ACOX3: variants seen among roughly 807,000 people sequenced by gnomAD.
ACOX3 encodes the protein peroxisomal acyl-coenzyme A oxidase 3.
ACOX3 carries 73 observed loss-of-function variants against 81.5 expected under a neutral mutation model. The observed-to-expected ratio is 0.90, with a 90% CI of 0.74 to 1.09. ACOX3 has a LOEUF of 1.09. Ranked by LOEUF, ACOX3 falls within the 50% of genes least tolerant of loss-of-function variation. ACOX3 has a pLI of 0.00. For missense variants in ACOX3, 947 were observed against 928.0 expected (o/e 1.02, Z -0.27); for synonymous variants, 387 against 375.1 (o/e 1.03, Z -0.37).
At chr4:8,391,001 A>ATGTATATGTATG (rs1158616253) in intron 11 of ACOX3, among the ~76,000 whole-genome samples, 6 of 144,860 alleles carry the variant, frequency 4.1e-5, no homozygotes, top group Non-Finnish European at 6.1e-5. Flanking sequence ...ATCCCAGCAT[A>ATGTATATGTATG]TGTATATGTA....
intron 9 of ACOX3, among the ~76,000 whole-genome samples, chr4:8,395,341 T>C (rs1246425049): frequency 1.6e-5 from 2 of 125,924 alleles, no homozygotes; most frequent in Non-Finnish European, 3.3e-5. Flanking sequence ...CGTAGATGGG[T>C]AGATGGATGG....
chr4:8,395,778 C>T lies in ACOX3; in HGVS notation c.1057-1036G>A, dbSNP rs548395662. Among the ~76,000 whole-genome samples the T allele has an allele frequency of 2.3e-4, 35 of 152,316 alleles. No homozygotes were observed. The South Asian group carries it at 6.6e-3, about 29-fold the overall frequency. ...CGGGAGGGGATGGGTGCCACACAGG[C>T]ATGAATGGCAACACTTACTAAACAG... On this transcript the variant is annotated intron_variant, in intron 9 of 17. Coordinates refer to ENST00000356406, the MANE Select transcript of ACOX3 (RefSeq NM_003501.3).
At chr4:8,367,360 G>C (rs1715588646) in intron 17 of ACOX3, among the ~76,000 whole-genome samples, 1 of 152,062 alleles carries the variant, frequency 6.6e-6, no homozygotes, top group African/African-American at 2.4e-5. Flanking sequence ...GTGCATGCCT[G>C]TAATCCCAGC....
chr4:8,380,266 T>G (rs1018376646), intron 14 of ACOX3, among the ~76,000 whole-genome samples: 1 of 150,586 alleles, frequency 6.6e-6, no homozygotes, highest in Non-Finnish European at 1.5e-5. Context: ...CTCGGCTCTC[T>G]GCAACCTCCA....
At chr4:8,397,757 C>T (rs186199060) in intron 8 of ACOX3, among the ~76,000 whole-genome samples, 5 of 152,362 alleles carry the variant, frequency 3.3e-5, no homozygotes, top group East Asian at 1.9e-4. Context: ...GCTGCCCCAT[C>T]GGGCCACTCC....
chr4:8,434,456 C>T (rs547899201), intron 1 of ACOX3, among the ~76,000 whole-genome samples: 2 of 152,380 alleles, frequency 1.3e-5, no homozygotes, highest in South Asian at 2.1e-4. Flanking sequence ...CTTATGCCTG[C>T]CCTGTAGAGC....
intron 17 of ACOX3, among the ~76,000 whole-genome samples, chr4:8,369,885 C>T (rs1316959576): frequency 6.6e-6 from 1 of 152,214 alleles, no homozygotes; most frequent in Non-Finnish European, 1.5e-5. Context: ...GCCAGGGGAC[C>T]TCAGGCATGG....
In ACOX3 at chr4:8,400,207, C is replaced by T. The variant is rs989862439; in HGVS notation, c.777-555G>A. On this transcript the variant is annotated intron_variant, in intron 7 of 17. Transcript: ENST00000356406. This position sits in a 1 kb window ranked among gnomAD's most constrained non-coding sequence, Gnocchi z 4.4. ...CGGAAGTTGCAGTGAGCCAAGATCA[C>T]GCCACTGCACTCCAGCCTTGGTGAC... 2.6e-5 allele frequency among the ~76,000 whole-genome samples: 4 copies of T among 151,820 alleles called. No homozygotes were observed. Among genetic ancestry groups the T allele is most frequent in the African/African-American group, 4.8e-5 (2 of 41,338 alleles).
At chr4:8,409,994 T>G (rs547930205) in intron 6 of ACOX3, among the ~76,000 whole-genome samples, 3 of 150,922 alleles carry the variant, frequency 2.0e-5, no homozygotes, top group African/African-American at 7.3e-5. Context: ...CGGGGCTATC[T>G]GCATTGTGGG....
intron 11 of ACOX3, among the ~76,000 whole-genome samples, chr4:8,390,126 C>G (rs1277504134): frequency 7.9e-6 from 1 of 126,658 alleles, no homozygotes; most frequent in African/African-American, 3.6e-5. Flanking sequence ...ACAAAAAAAG[C>G]CATGAGTTTG....
In ACOX3 at chr4:8,414,213, T is replaced by G; in HGVS notation, c.543+79A>C. ...CTCTTGCTTTAATGTTTTTTTTTTC[T>G]TATTCTGGGCAACGGCATTTGCACT... On this transcript the variant is annotated intron_variant, in intron 5 of 17. Coordinates refer to ENST00000356406, the MANE Select transcript of ACOX3 (RefSeq NM_003501.3). This position sits in a 1 kb window ranked among gnomAD's most constrained non-coding sequence, Gnocchi z 6.1. 3.3e-6 allele frequency: 4 copies of G among 1,228,856 alleles called. No individual in the cohort carries two copies. Among genetic ancestry groups the G allele is most frequent in the Non-Finnish European group, 4.7e-6 (4 of 843,888 alleles). 76.1% of individuals were successfully genotyped at this position (1,228,856 alleles called of 1,614,324 possible).
chr4:8,373,435 G>A, intron 16 of ACOX3, 126 bp downstream of exon 16: 1 of 948,162 alleles, frequency 1.1e-6, no homozygotes, highest in East Asian at 2.6e-5. Context: ...ACGCTAAGGG[G>A]GTGCGTGTCA....
At chr4:8,383,252 T>C (rs1446284813) in intron 13 of ACOX3, among the ~76,000 whole-genome samples, 4 of 152,220 alleles carry the variant, frequency 2.6e-5, no homozygotes, top group Non-Finnish European at 4.4e-5. Flanking sequence ...GCTTCCTCCA[T>C]GCAGGCATCT....
Position 8,399,425 on chromosome 4 carries a change from A to C in ACOX3, c.873+131T>G, listed in dbSNP as rs1327977972. ...GAGCACCAGAACCCGAGCCAGGAGA[A>C]GTATGCCCCAGCGACACCTGGCCTA... On this transcript the variant is annotated intron_variant, in intron 8 of 17. Coordinates refer to ENST00000356406, the MANE Select transcript of ACOX3 (RefSeq NM_003501.3). This position sits in a 1 kb window ranked among gnomAD's most constrained non-coding sequence, Gnocchi z 4.9. The C allele has an allele frequency of 1.4e-6, 1 of 736,362 alleles. No individual in the cohort carries two copies. The highest frequency in any genetic ancestry group is 2.7e-5 in the Admixed American group (1 of 36,864). 45.6% of individuals were successfully genotyped at this position (736,362 alleles called of 1,614,324 possible).
At chr4:8,359,352 G>T in the ACOX3 span, among the ~76,000 whole-genome samples, 1 of 152,124 alleles carries the variant, frequency 6.6e-6, no homozygotes. The surrounding 1 kb of genome is among the most constrained non-coding windows in gnomAD (Gnocchi z 6.0). Flanking sequence ...GACACAGTGG[G>T]TTAGAGGCCC....
chr4:8,365,290 A>G (rs979245640), downstream of ACOX3, among the ~76,000 whole-genome samples: 35 of 152,238 alleles, frequency 2.3e-4, no homozygotes, highest in African/African-American at 8.4e-4. Context: ...CAAGGGCCTG[A>G]GCACTCTCAT....
chr4:8,413,301 C>A (rs1406073130), intron 5 of ACOX3, among the ~76,000 whole-genome samples: 3 of 136,330 alleles, frequency 2.2e-5, no homozygotes, highest in Non-Finnish European at 4.7e-5. Flanking sequence ...CGTGTCCCGT[C>A]TCACTGCACC....
At position 8,405,711 on chromosome 4, in the gene ACOX3, T is replaced by C. The variant is rs1347242876; in HGVS notation, c.776+244A>G. ...CAGAGGTCTGGGTCTGATCTGAGAG[T>C]GTGGAGCCGCCTGCCAAGGTGAAGC... On this transcript the variant is annotated intron_variant, in intron 7 of 17. Coordinates refer to ENST00000356406, the MANE Select transcript of ACOX3 (RefSeq NM_003501.3). The surrounding 1 kb of genome is among the most constrained non-coding windows in gnomAD (Gnocchi z 7.1). 6.6e-6 allele frequency among the ~76,000 whole-genome samples: 1 copy of C among 152,058 alleles called. No individual in the cohort carries two copies. The highest frequency in any genetic ancestry group is 1.9e-4 in the East Asian group (1 of 5,184).
At chr4:8,357,072 G>A in the ACOX3 span, 37 of 455,600 alleles carry the variant, frequency 8.1e-5, no homozygotes, top group Middle Eastern at 6.5e-4. Flanking sequence ...AACGGTGCAC[G>A]CTTACATGAT....
Sources: gnomAD v4.1 joint callset for allele counts (sites outside exome capture counted in the v4.1 genomes callset) on GRCh38, gnomAD v4.1.1 for gene constraint, Gnocchi (gnomAD v3.1) non-coding constraint, MANE v1.5 for transcripts, NCBI Gene and HGNC (gene_info 2026-07-23, HGNC 2026-07-21) for gene names.